LAS1L: variants seen among roughly 807,000 people sequenced by gnomAD.
The protein encoded by LAS1L is LAS1 like ribosome biogenesis factor.
LAS1L carries 5 observed loss-of-function variants against 57.3 expected under a neutral mutation model. The observed-to-expected ratio is 0.09, with a 90% CI of 0.05 to 0.18. The LOEUF (loss-of-function observed/expected upper bound fraction) is 0.18, where lower values mean the gene tolerates loss of function less well. Among genes scored for constraint, LAS1L ranks in the 10% least tolerant of loss-of-function variants. The pLI, the probability that LAS1L is intolerant of heterozygous loss-of-function variation, is 1.00. For missense variants in LAS1L, 360 were observed against 568.3 expected, an observed-to-expected ratio of 0.63 and a Z score of 3.73; for synonymous variants, 245 against 231.7, an observed-to-expected ratio of 1.06 and a Z score of -0.52.
intron 13 of LAS1L, among the ~76,000 whole-genome samples, chrX:65,513,518 A>C (rs2068519309): frequency 8.9e-6 from 1 of 112,231 alleles, no homozygotes; most frequent in Admixed American, 9.4e-5. Context: ...CCATGGTTAC[A>C]CTACTGCAGC....
intron 3 of LAS1L, among the ~76,000 whole-genome samples, chrX:65,531,789 A>C (rs767582112): frequency 3.4e-4 from 38 of 111,668 alleles, no homozygotes; most frequent in Admixed American, 6.6e-4. Context: ...CTCTACCAAA[A>C]ATACAAATGT....
At position 65,532,547 on chromosome X, in the gene LAS1L, T is replaced by G. The variant is rs746804937; in HGVS notation, c.432+14A>C. 5 of 1,188,922 alleles carry G rather than the reference T, an allele frequency of 4.2e-6. No individual in the cohort carries two copies. In the African/African-American group the frequency reaches 8.8e-5, roughly 21 times the overall value. On this transcript the variant is annotated intron_variant, in intron 3 of 13. Transcript: ENST00000374811. ...TGGAGACAGAATTGAGCAAGTTCACTGAATCATACGCACCTCTTGAGCCAG... is the reference window on the plus strand; with the variant it reads ...TGGAGACAGAATTGAGCAAGTTCACGGAATCATACGCACCTCTTGAGCCAG...
At chrX:65,530,790 G>A (rs941861457) in intron 4 of LAS1L, among the ~76,000 whole-genome samples, 2 of 104,543 alleles carry the variant, frequency 1.9e-5, no homozygotes, top group African/African-American at 7.2e-5. Context: ...CTCCAGCCTG[G>A]GTGACAGAGT....
At chrX:65,515,639 G>A (rs906598418) in intron 12 of LAS1L, among the ~76,000 whole-genome samples, 8 of 109,907 alleles carry the variant, frequency 7.3e-5, no homozygotes, top group African/African-American at 2.7e-4. Context: ...TCTAGGGAAC[G>A]GCTGTCTCAC....
At position 65,518,119 on chromosome X, in the gene LAS1L, C is replaced by T; in HGVS notation, c.1795G>A (p.Asp599Asn). The T allele has an allele frequency of 8.4e-7, 1 of 1,197,577 alleles. No individual in the cohort carries two copies. Residue 599 changes from aspartate (D) to asparagine (N), a missense_variant, in exon 12 of 14, where the codon GAT (aspartate) becomes AAT (asparagine). Asp to Asn is a conservative substitution (Grantham distance 23). Transcript: ENST00000374811. ...EEEEEDEDDE[D>N]DEEEDRMEVG... ...TCCATTCTGTCTTCCTCTTCATCATCTTCATCATCTTCATCCTCCTCTTCC... is the reference window on the plus strand; with the variant it reads ...TCCATTCTGTCTTCCTCTTCATCATTTTCATCATCTTCATCCTCCTCTTCC...
In LAS1L at chrX:65,534,693, C is replaced by A; in HGVS notation, c.23G>T (p.Gly8Val). Residue 8 changes from glycine (G) to valine (V), a missense_variant, in exon 1 of 14, where the codon GGG becomes GTG. By Grantham distance (109) the Gly-to-Val change is moderately radical (BLOSUM62 -3). Transcript: ENST00000374811. Reference protein sequence around the residue: MSWESGAGPGLGSQGMDL... With the variant: MSWESGAVPGLGSQGMDL... The stretch of plus-strand genomic sequence containing the variant: ...CATCCCCTGGGAACCTAGACCTGGC[C>A]CGGCCCCGGATTCCCACGACATACT... The A allele has an allele frequency of 8.5e-7, 1 of 1,175,656 alleles. No individual in the cohort carries two copies. Among genetic ancestry groups the A allele is most frequent in the Non-Finnish European group, 1.1e-6 (1 of 877,255 alleles).
At chrX:65,533,350 T>C (rs2069600522) in intron 2 of LAS1L, among the ~76,000 whole-genome samples, 2 of 106,571 alleles carry the variant, frequency 1.9e-5, no homozygotes, top group Non-Finnish European at 3.9e-5. Flanking sequence ...GATCACCTGG[T>C]CTGAATCCCT....
intron 12 of LAS1L, among the ~76,000 whole-genome samples, chrX:65,515,513 C>T (rs2068598138): frequency 9.0e-6 from 1 of 110,639 alleles, no homozygotes; most frequent in African/African-American, 3.3e-5. Context: ...CACATATTTT[C>T]TTAATGCAGA....
At chrX:65,533,136 C>A (rs986063942) in intron 2 of LAS1L, among the ~76,000 whole-genome samples, 3 of 110,803 alleles carry the variant, frequency 2.7e-5, no homozygotes, top group African/African-American at 9.9e-5. Flanking sequence ...ATTCCCAGCC[C>A]ATGTCTCCAC....
chrX:65,529,728 A>T lies in LAS1L; in HGVS notation c.665T>A (p.Ile222Asn), dbSNP rs769389600. ...CTGAGGCTCTGGTTTCTGTTCTGTGATGTCATCAACAACAATGTTCTTATC... is the reference window on the plus strand; with the variant it reads ...CTGAGGCTCTGGTTTCTGTTCTGTGTTGTCATCAACAACAATGTTCTTATC... Reference protein sequence around the residue: ...EEDKNIVVDDITEQKPEPQDD... With the variant: ...EEDKNIVVDDNTEQKPEPQDD... Residue 222 changes from isoleucine to asparagine, a missense_variant, in exon 5 of 14, where the codon ATC becomes AAC. Transcript: ENST00000374811. The T allele has an allele frequency of 1.2e-5, 14 of 1,209,936 alleles. No individual in the cohort carries two copies. The highest frequency in any genetic ancestry group is 1.8e-5 in the African/African-American group (1 of 57,099).
At chrX:65,514,536 A>G (rs1272812999) in intron 13 of LAS1L, among the ~76,000 whole-genome samples, 2 of 19,417 alleles carry the variant, frequency 1.0e-4, no homozygotes, top group East Asian at 0.023. Context: ...GTGTGCCTGC[A>G]CACACACACA....
At chrX:65,521,396 G>T in intron 11 of LAS1L, 10 of 423,485 alleles carry the variant, frequency 2.4e-5, no homozygotes, top group Non-Finnish European at 3.0e-5. Context: ...CTGATGTAGA[G>T]TCCTTGCCCT....
At position 65,518,246 on chromosome X, in the gene LAS1L, C is replaced by T. The variant is rs1471233547; in HGVS notation, c.1668G>A (p.Glu556=). ...FGSEAKAQQQ[E]EQGSVNDVKE... ...TGACATCATTAACACTGCCCTGCTC[C>T]TCCTGTTGCTGGGCCTTTGCTTCAG... Residue 556 remains glutamate (E), a synonymous_variant, in exon 12 of 14, where the codon GAG becomes GAA. Coordinates refer to ENST00000374811, the MANE Select transcript of LAS1L (RefSeq NM_031206.7). The T allele has an allele frequency of 2.5e-6, 3 of 1,212,271 alleles. No individual in the cohort carries two copies. The highest frequency in any genetic ancestry group is 2.2e-5 in the Admixed American group (1 of 46,125).
intron 13 of LAS1L, 128 bp from the exon 14 acceptor site, chrX:65,513,029 G>C: frequency 2.9e-6 from 2 of 684,137 alleles, no homozygotes; most frequent in Non-Finnish European, 4.2e-6. Context: ...AAAGAGACTG[G>C]AGCAAATCCG....
intron 5 of LAS1L, 120 bp from the exon 6 acceptor site, chrX:65,529,378 C>T: frequency 1.4e-6 from 1 of 711,237 alleles, no homozygotes; most frequent in Non-Finnish European, 2.1e-6. Context: ...ATTCCTTCCC[C>T]AACTACTTCA....
intron 13 of LAS1L, 92 bp downstream of exon 13, chrX:65,514,731 G>A: frequency 1.1e-6 from 1 of 927,539 alleles, no homozygotes; most frequent in South Asian, 2.7e-5. Context: ...ACTGGGGACA[G>A]CTACCTCCCC....
rs758460518 is a variant in LAS1L, at chrX:65,527,484, CT to C, written c.956+775del. Among the ~76,000 whole-genome samples the C allele has an allele frequency of 6.3e-5, 7 of 110,988 alleles. No individual in the cohort carries two copies. The Admixed American group carries it at 6.8e-4, about 11-fold the overall frequency. ...TGTGCGAGGTTGAGGCTGTAGTTAA[CT>C]ATGTTCGCACCACTGCACTCCAGCC... On this transcript the variant is annotated intron_variant, in intron 7 of 13. Coordinates refer to ENST00000374811, the MANE Select transcript of LAS1L (RefSeq NM_031206.7).
intron 12 of LAS1L, among the ~76,000 whole-genome samples, chrX:65,516,786 G>A (rs2068649680): frequency 9.1e-6 from 1 of 110,312 alleles, no homozygotes; most frequent in East Asian, 2.8e-4. Context: ...TTGACCAGCA[G>A]GTACAGGAAC....
intron 1 of LAS1L, 99 bp from the exon 2 acceptor site, chrX:65,533,834 T>C: frequency 2.1e-6 from 2 of 935,600 alleles, no homozygotes; most frequent in South Asian, 2.3e-5. Flanking sequence ...CATCATATTC[T>C]GGTTCAAGAG....
Sources: allele counts gnomAD v4.1 joint callset (sites outside exome capture counted in the v4.1 genomes callset), GRCh38; gene constraint gnomAD v4.1.1; transcripts MANE v1.5; gene names NCBI Gene and HGNC (gene_info 2026-07-23, HGNC 2026-07-21).